The following TBPL1 variants were observed in gnomAD, a reference collection of about 807,000 sequenced individuals.
The protein encoded by TBPL1 is TATA-box binding protein like 1, also known as TATA box-binding protein-like 1.
A neutral mutation model predicts 22.1 loss-of-function variants in TBPL1; 4 were observed. The ratio of observed to expected loss-of-function variants is 0.18; its 90% CI spans 0.09 to 0.41. The LOEUF is 0.41. Ranked by LOEUF, TBPL1 falls within the 10% of genes least tolerant of loss-of-function variation. The probability of loss-of-function intolerance (pLI) is 1.00; values close to 1 mark genes in which losing one functional copy is unlikely to be tolerated. For missense variants in TBPL1, 115 were observed against 222.3 expected (o/e 0.52, Z 3.07); for synonymous variants, 64 against 71.0 (o/e 0.90, Z 0.50).
chr6:133,959,434 T>A (rs1393990403), intron 1 of TBPL1, among the ~76,000 whole-genome samples: 1 of 152,194 alleles, frequency 6.6e-6, no homozygotes, highest in Non-Finnish European at 1.5e-5. Flanking sequence ...GACAAAGTTC[T>A]GTCTAACACA....
At position 133,985,292 on chromosome 6, in the gene TBPL1, AAAAAAATATATATATATATATATATAT is replaced by A. The variant is rs1213463409; in HGVS notation, c.481+623_481+649del. Among the ~76,000 whole-genome samples the A allele has an allele frequency of 5.9e-5, 4 of 67,256 alleles. 1 individual carries two copies. The highest frequency in any genetic ancestry group is 4.2e-4 in the South Asian group (1 of 2,376). 44.1% of individuals were successfully genotyped at this position (67,256 alleles called of 152,430 possible). On this transcript the variant is annotated intron_variant, in intron 6 of 6. Coordinates refer to ENST00000237264, the MANE Select transcript of TBPL1 (RefSeq NM_004865.4). Reference sequence around the variant, plus strand: ...GACTCTGTCTAAAAAAAAAAAAAAAAAAAAAATATATATATATATATATATATATATATATATATATATATACACACA... The same window carrying A: ...GACTCTGTCTAAAAAAAAAAAAAAAAATATATATATATATATATACACACA...
At chr6:133,967,951 T>G (rs958473100) in intron 1 of TBPL1, among the ~76,000 whole-genome samples, 9 of 152,180 alleles carry the variant, frequency 5.9e-5, no homozygotes, top group African/African-American at 2.2e-4. Flanking sequence ...TAGGACCATG[T>G]GCTTATATGA....
chr6:133,973,558 C>T (rs1776260965), intron 1 of TBPL1, among the ~76,000 whole-genome samples: 1 of 152,080 alleles, frequency 6.6e-6, no homozygotes, highest in African/African-American at 2.4e-5. Context: ...TGCAATTTGT[C>T]GTAAAAGCCA....
intron 1 of TBPL1, among the ~76,000 whole-genome samples, chr6:133,976,637 T>C (rs1357736827): frequency 6.6e-6 from 1 of 152,206 alleles, no homozygotes; most frequent in East Asian, 1.9e-4. Flanking sequence ...CGATAAATTA[T>C]GTCACTACAC....
chr6:133,964,980 C>G (rs371594453), intron 1 of TBPL1, among the ~76,000 whole-genome samples: 11 of 152,142 alleles, frequency 7.2e-5, no homozygotes, highest in African/African-American at 2.7e-4. Flanking sequence ...ATCAGTGCTT[C>G]AAGTTTGAGC....
rs1776476852 is a variant in TBPL1 at position 133,984,679 on chromosome 6, A to G, written c.481+8A>G. 3 of 1,594,794 alleles carry G rather than the reference A, an allele frequency of 1.9e-6. No individual in the cohort carries two copies. Among genetic ancestry groups the G allele is most frequent in the South Asian group, 1.1e-5 (1 of 90,446 alleles). ...GAAGTATCACAGTAACAGGTATTCTATGATATTGAAACCACACTTATCAAT... is the reference window on the plus strand; with the variant it reads ...GAAGTATCACAGTAACAGGTATTCTGTGATATTGAAACCACACTTATCAAT... On this transcript the variant is annotated splice_region_variant and intron_variant, in intron 6 of 6. Coordinates refer to ENST00000237264, the MANE Select transcript of TBPL1 (RefSeq NM_004865.4).
intron 1 of TBPL1, among the ~76,000 whole-genome samples, chr6:133,978,538 T>C (rs547224829): frequency 2.0e-5 from 3 of 152,324 alleles, no homozygotes; most frequent in Admixed American, 2.0e-4. Context: ...CATCAGTTCC[T>C]ATTGTCACCC....
intron 4 of TBPL1, 68 bp downstream of exon 4, chr6:133,982,948 T>C (rs1776442547): frequency 2.8e-6 from 4 of 1,420,186 alleles, no homozygotes; most frequent in Non-Finnish European, 3.8e-6. Flanking sequence ...TTAAAAATTG[T>C]AATAGACTCA....
chr6:133,979,377 T>C (rs571828668), intron 1 of TBPL1, among the ~76,000 whole-genome samples: 2 of 152,236 alleles, frequency 1.3e-5, no homozygotes, highest in East Asian at 3.9e-4. Flanking sequence ...GCAAGTTGCA[T>C]GAGAAGGGTT....
intron 1 of TBPL1, among the ~76,000 whole-genome samples, chr6:133,974,755 C>G (rs1360603822): frequency 6.6e-6 from 1 of 152,204 alleles, no homozygotes; most frequent in African/African-American, 2.4e-5. Context: ...TAAGAGAACA[C>G]AGATTTACTC....
intron 1 of TBPL1, among the ~76,000 whole-genome samples, chr6:133,974,885 G>GA (rs1056094853): frequency 2.0e-5 from 3 of 151,978 alleles, no homozygotes; most frequent in African/African-American, 2.4e-5. Context: ...ATTAGTCTAA[G>GA]AAAAAATGAA....
At chr6:133,976,955 G>A (rs1431537124) in intron 1 of TBPL1, among the ~76,000 whole-genome samples, 1 of 147,506 alleles carries the variant, frequency 6.8e-6, no homozygotes, top group African/African-American at 2.5e-5. Context: ...GCAACAAAGC[G>A]AGACTTGGTC....
In TBPL1 at chr6:133,966,088, CAGAG is replaced by C. The variant is rs529158999; in HGVS notation, c.-45+12670_-45+12673del. 1.8e-3 allele frequency among the ~76,000 whole-genome samples: 268 copies of C among 152,106 alleles called. 1 individual carries two copies. The highest frequency in any genetic ancestry group is 4.8e-3 in the African/African-American group (198 of 41,510). On this transcript the variant is annotated intron_variant, in intron 1 of 6. Coordinates refer to ENST00000237264, the MANE Select transcript of TBPL1 (RefSeq NM_004865.4). ...AGAGACAGAGAGAGACAGAAAGAAACAGAGAGAGAGTGTGTGTGCATGTGTGTGT... is the reference window on the plus strand; with the variant it reads ...AGAGACAGAGAGAGACAGAAAGAAACAGAGAGTGTGTGTGCATGTGTGTGT...
intron 1 of TBPL1, among the ~76,000 whole-genome samples, chr6:133,976,968 A>C (rs75752803): frequency 7.2e-6 from 1 of 139,004 alleles, no homozygotes; most frequent in Non-Finnish European, 1.6e-5. Flanking sequence ...ACTTGGTCTC[A>C]AAAAAAAAAA....
At chr6:133,967,085 C>T (rs1336233699) in intron 1 of TBPL1, among the ~76,000 whole-genome samples, 1 of 152,222 alleles carries the variant, frequency 6.6e-6, no homozygotes, top group Non-Finnish European at 1.5e-5. Context: ...TCACTTTTCT[C>T]ACCGTAGCCA....
At chr6:133,975,392 GAATTT>G (rs1326158933) in intron 1 of TBPL1, among the ~76,000 whole-genome samples, 1 of 151,910 alleles carries the variant, frequency 6.6e-6, no homozygotes, top group Non-Finnish European at 1.5e-5. Context: ...TAAAGAAATT[GAATTT>G]AAAAGTTTAA....
At chr6:133,974,390 G>A (rs1321958888) in intron 1 of TBPL1, among the ~76,000 whole-genome samples, 1 of 152,178 alleles carries the variant, frequency 6.6e-6, no homozygotes, top group East Asian at 1.9e-4. Context: ...TTGGAGTGCA[G>A]TGGCGCGATC....
At chr6:133,960,046 A>C (rs574456000) in intron 1 of TBPL1, among the ~76,000 whole-genome samples, 1 of 152,274 alleles carries the variant, frequency 6.6e-6, no homozygotes, top group African/African-American at 2.4e-5. Context: ...CCTCTCACCT[A>C]CTTATGGCTG....
chr6:133,968,626 A>G (rs190795204), intron 1 of TBPL1, among the ~76,000 whole-genome samples: 174 of 152,304 alleles, frequency 1.1e-3, no homozygotes, highest in Non-Finnish European at 1.7e-3. Flanking sequence ...ACTGTCGTGT[A>G]GCTTCCATTA....
Sources: gnomAD v4.1 joint callset for allele counts (sites outside exome capture counted in the v4.1 genomes callset) on GRCh38, gnomAD v4.1.1 for gene constraint, MANE v1.5 for transcripts, NCBI Gene and HGNC (gene_info 2026-07-23, HGNC 2026-07-21) for gene names.